SLC2A5: variants seen among roughly 807,000 people sequenced by gnomAD.
SLC2A5 encodes solute carrier family 2, facilitated glucose transporter member 5.
SLC2A5 carries 56 observed loss-of-function variants against 50.3 expected under a neutral mutation model. The observed-to-expected ratio is 1.11, with a 90% CI of 0.90 to 1.39. The LOEUF is 1.39. SLC2A5 is among the 40% of genes most tolerant of loss of function. The pLI, the probability that SLC2A5 is intolerant of heterozygous loss-of-function variation, is 0.00. For missense variants in SLC2A5, 566 were observed against 650.1 expected, an observed-to-expected ratio of 0.87 and a Z score of 1.41; for synonymous variants, 269 against 281.9, an observed-to-expected ratio of 0.95 and a Z score of 0.46.
At position 9,039,665 on chromosome 1, in the gene SLC2A5, G is replaced by T; in HGVS notation, c.886-3C>A. ...ATCTGGTCCGCGTAGTAGTAGATCTGCAAGGCAAGCGCGGGGCTGGGCGGC... is the reference window on the plus strand; with the variant it reads ...ATCTGGTCCGCGTAGTAGTAGATCTTCAAGGCAAGCGCGGGGCTGGGCGGC... On this transcript the variant is annotated splice_region_variant and splice_polypyrimidine_tract_variant and intron_variant, in intron 7 of 11. Coordinates refer to ENST00000377424, the MANE Select transcript of SLC2A5 (RefSeq NM_003039.3). The T allele has an allele frequency of 1.3e-6, 2 of 1,532,792 alleles. No individual in the cohort carries two copies. Among genetic ancestry groups the T allele is most frequent in the Non-Finnish European group, 8.8e-7 (1 of 1,139,286 alleles). 94.9% of individuals were successfully genotyped at this position (1,532,792 alleles called of 1,614,324 possible).
intron 1 of SLC2A5, among the ~76,000 whole-genome samples, chr1:9,060,965 G>C (rs959222411): frequency 6.6e-6 from 1 of 151,206 alleles, no homozygotes; most frequent in Admixed American, 6.6e-5. Context: ...GGGTGGGGGT[G>C]AGGGGAAGGG....
At chr1:9,054,135 C>T (rs1219402809) in intron 3 of SLC2A5, among the ~76,000 whole-genome samples, 3 of 151,932 alleles carry the variant, frequency 2.0e-5, no homozygotes, top group Non-Finnish European at 4.4e-5. Flanking sequence ...TTCAAAGACA[C>T]GGAGGAACTT....
At position 9,040,453 on chromosome 1, in the gene SLC2A5, C is replaced by T. The variant is rs1489304478; in HGVS notation, c.572-264G>A. 1.3e-5 allele frequency: 6 copies of T among 464,382 alleles called. No individual in the cohort carries two copies. Among genetic ancestry groups the T allele is most frequent in the African/African-American group, 4.1e-5 (2 of 49,168 alleles). 28.8% of individuals were successfully genotyped at this position (464,382 alleles called of 1,614,324 possible). A position where few individuals can be genotyped will look rare whatever the true frequency, so the allele number is the denominator to read the frequency against. ...TACCATGTGCTGGTGAGAACGTCCC[C>T]GTGTCCTTCAGAGGACAGTCTTGCA... On this transcript the variant is annotated intron_variant, in intron 5 of 11. Transcript: ENST00000377424. This position sits in a 1 kb window ranked among gnomAD's most constrained non-coding sequence, Gnocchi z 4.3.
At chr1:9,087,309 A>G (rs929577067) in intron 1 of SLC2A5, among the ~76,000 whole-genome samples, 2 of 149,984 alleles carry the variant, frequency 1.3e-5, no homozygotes, top group Non-Finnish European at 3.0e-5. Context: ...GGTTCTCGCC[A>G]TTCTCCTGCC....
At chr1:9,057,075 T>A (rs555137812) in intron 3 of SLC2A5, among the ~76,000 whole-genome samples, 8 of 152,160 alleles carry the variant, frequency 5.3e-5, no homozygotes, top group Non-Finnish European at 1.2e-4. Context: ...GTGGGTCACC[T>A]GAGGTCAGGA....
In SLC2A5 at chr1:9,039,516, T is replaced by C. The variant is rs892906204; in HGVS notation, c.996+36A>G. On this transcript the variant is annotated intron_variant, in intron 8 of 11. Transcript: ENST00000377424. The stretch of plus-strand genomic sequence containing the variant: ...CTGGGGCGTGGGGCCCGAGGGGCCT[T>C]GGGTGGAGGCTGTGGGCAGCTCCCA... 5 of 1,482,484 alleles carry C rather than the reference T, an allele frequency of 3.4e-6. No individual in the cohort carries two copies. In the African/African-American group the frequency reaches 7.1e-5, roughly 21 times the overall value. The allele number at this position is 1,482,484 out of a possible 1,614,324, so 91.8% of individuals were successfully genotyped here. A position where few individuals can be genotyped will look rare whatever the true frequency, so the allele number is the denominator to read the frequency against.
chr1:9,090,374 G>A (rs1309541262), upstream of SLC2A5, among the ~76,000 whole-genome samples: 1 of 152,136 alleles, frequency 6.6e-6, no homozygotes, highest in Non-Finnish European at 1.5e-5. Context: ...GCACTATATA[G>A]TGGTCCTACA....
At chr1:9,078,963 T>C (rs1449959884) in intron 2 of SLC2A5, among the ~76,000 whole-genome samples, 1 of 152,128 alleles carries the variant, frequency 6.6e-6, no homozygotes, top group Non-Finnish European at 1.5e-5. Flanking sequence ...ACAGGCAGTG[T>C]ATCTCGTCTG....
rs3004245 is a variant in SLC2A5 at position 9,051,567 on chromosome 1, A to T, written c.294-3833T>A. Among the ~76,000 whole-genome samples, 197 of 152,038 alleles carry T rather than the reference A, an allele frequency of 1.3e-3. 1 individual carries two copies. Among genetic ancestry groups the T allele is most frequent in the African/African-American group, 4.6e-3 (192 of 41,454 alleles). On this transcript the variant is annotated intron_variant, in intron 3 of 11. Coordinates refer to ENST00000377424, the MANE Select transcript of SLC2A5 (RefSeq NM_003039.3). ...AAAGGTGCACCACATGATGTGTTAT[A>T]GGGGAAATGCAAATTAAACAATAAG...
chr1:9,077,592 A>G (rs981557202), intron 2 of SLC2A5, among the ~76,000 whole-genome samples: 8 of 151,388 alleles, frequency 5.3e-5, no homozygotes, highest in Non-Finnish European at 8.8e-5. Context: ...AATACAAAAA[A>G]AAAAAGAAAA....
At chr1:9,067,757 C>T (rs575309095) in intron 1 of SLC2A5, among the ~76,000 whole-genome samples, 95 of 152,176 alleles carry the variant, frequency 6.2e-4, no homozygotes, top group African/African-American at 2.1e-3. Context: ...GGAGCTACTG[C>T]GTCTAGAAGG....
intron 3 of SLC2A5, among the ~76,000 whole-genome samples, chr1:9,056,178 G>A (rs568208530): frequency 6.6e-6 from 1 of 152,132 alleles, no homozygotes; most frequent in East Asian, 1.9e-4. Flanking sequence ...AAGCTGCAGC[G>A]GTGTTTTTTG....
chr1:9,080,399 A>C (rs993734739), intron 2 of SLC2A5, among the ~76,000 whole-genome samples: 15 of 152,184 alleles, frequency 9.9e-5, no homozygotes, highest in African/African-American at 3.6e-4. Context: ...TCTGTTTTCC[A>C]CAGTAGCTAC....
upstream of SLC2A5, among the ~76,000 whole-genome samples, chr1:9,091,507 A>C (rs1642462448): frequency 6.6e-6 from 1 of 152,146 alleles, no homozygotes; most frequent in Non-Finnish European, 1.5e-5. Flanking sequence ...CACAGTCTAC[A>C]AGATATGGTC....
chr1:9,038,666 G>A (rs1477105435), intron 9 of SLC2A5, among the ~76,000 whole-genome samples, 160 bp from the exon 10 acceptor site: 3 of 152,244 alleles, frequency 2.0e-5, no homozygotes, highest in Non-Finnish European at 4.4e-5. Context: ...CGTGGGCTAT[G>A]AGCTGGCAGG....
At chr1:9,089,992 A>G (rs1642446450), upstream of SLC2A5, among the ~76,000 whole-genome samples, 1 of 152,168 alleles carries the variant, frequency 6.6e-6, no homozygotes, top group African/African-American at 2.4e-5. Context: ...TATTAACTGA[A>G]TATGAAGGCC....
At chr1:9,080,119 T>C (rs1642336487) in intron 2 of SLC2A5, among the ~76,000 whole-genome samples, 1 of 152,226 alleles carries the variant, frequency 6.6e-6, no homozygotes, top group South Asian at 2.1e-4. Context: ...GAGTCCTTCA[T>C]GCTGTAACAT....
intron 1 of SLC2A5, among the ~76,000 whole-genome samples, chr1:9,060,377 C>A (rs111067971): frequency 7.4e-6 from 1 of 134,938 alleles, no homozygotes; most frequent in Middle Eastern, 4.1e-3. Flanking sequence ...CATACACACA[C>A]GCACACATGC....
chr1:9,063,339 C>CCA (rs1193501742), intron 1 of SLC2A5, among the ~76,000 whole-genome samples: 1 of 151,376 alleles, frequency 6.6e-6, no homozygotes, highest in Non-Finnish European at 1.5e-5. Flanking sequence ...GTGTGAGCTG[C>CCA]CATGCCCAGC....
Sources: gnomAD v4.1 joint callset for allele counts (sites outside exome capture counted in the v4.1 genomes callset) on GRCh38, gnomAD v4.1.1 for gene constraint, Gnocchi (gnomAD v3.1) non-coding constraint, MANE v1.5 for transcripts, NCBI Gene and HGNC (gene_info 2026-07-23, HGNC 2026-07-21) for gene names.